The following CSMD1 variants were observed in gnomAD, a reference collection of about 807,000 sequenced individuals.
CSMD1 encodes CUB and sushi domain-containing protein 1.
A neutral mutation model predicts 417.5 loss-of-function variants in CSMD1; 213 were observed. The ratio of observed to expected loss-of-function variants is 0.51; its 90% CI spans 0.46 to 0.57. The LOEUF is 0.57. CSMD1 is among the 20% of genes least tolerant of loss of function. The pLI, the probability that CSMD1 is intolerant of heterozygous loss-of-function variation, is 0.00. For missense variants in CSMD1, 6,923 were observed against 4,529.7 expected, an observed-to-expected ratio of 1.53 and a Z score of -15.17; for synonymous variants, 2,862 against 1,736.8, an observed-to-expected ratio of 1.65 and a Z score of -16.11.
At chr8:4,262,352 T>A (rs1323554384) in intron 3 of CSMD1, among the ~76,000 whole-genome samples, 1 of 152,136 alleles carries the variant, frequency 6.6e-6, no homozygotes, top group Non-Finnish European at 1.5e-5. Context: ...CAATCTGGGA[T>A]TCCCAGGACA....
intron 43 of CSMD1, among the ~76,000 whole-genome samples, chr8:3,109,563 T>C (rs1358755706): frequency 6.6e-6 from 1 of 152,178 alleles, no homozygotes; most frequent in Non-Finnish European, 1.5e-5. Context: ...CCCGTCATTC[T>C]GCAGCCCATA....
chr8:4,324,362 A>C (rs1040954320), intron 3 of CSMD1, among the ~76,000 whole-genome samples: 1 of 152,214 alleles, frequency 6.6e-6, no homozygotes, highest in Non-Finnish European at 1.5e-5. Flanking sequence ...CAGCCATTCC[A>C]TGGATGGGAC....
intron 1 of CSMD1, among the ~76,000 whole-genome samples, chr8:4,770,290 G>T (rs772007745): frequency 1.4e-5 from 2 of 146,786 alleles, no homozygotes; most frequent in South Asian, 2.1e-4. Flanking sequence ...ATGTGTATGG[G>T]AATATATATT....
chr8:3,859,317 C>A (rs369711658), intron 5 of CSMD1, among the ~76,000 whole-genome samples: 13 of 152,184 alleles, frequency 8.5e-5, no homozygotes, highest in Admixed American at 7.2e-4. Context: ...TACATTCGCT[C>A]GGCCTATTTT....
chr8:3,698,958 C>A (rs1476735354), intron 7 of CSMD1, among the ~76,000 whole-genome samples: 1 of 152,184 alleles, frequency 6.6e-6, no homozygotes, highest in East Asian at 1.9e-4. Flanking sequence ...GTCAGGCATC[C>A]AGGCTGATGA....
chr8:4,426,949 C>T (rs951080329), intron 2 of CSMD1, among the ~76,000 whole-genome samples: 2 of 151,780 alleles, frequency 1.3e-5, no homozygotes, highest in East Asian at 1.9e-4. Flanking sequence ...TAGAAGTATT[C>T]GGTCACTGGA....
intron 2 of CSMD1, among the ~76,000 whole-genome samples, chr8:4,506,676 G>C (rs916755043): frequency 4.6e-5 from 7 of 152,152 alleles, no homozygotes; most frequent in African/African-American, 1.7e-4. Context: ...GTTTTTCACA[G>C]AGCTTAACCT....
intron 3 of CSMD1, among the ~76,000 whole-genome samples, chr8:4,326,841 G>C (rs563273048): frequency 6.7e-6 from 1 of 150,214 alleles, no homozygotes; most frequent in Non-Finnish European, 1.5e-5. Flanking sequence ...GAAAAAAAAA[G>C]GTCACAGGTG....
intron 1 of CSMD1, among the ~76,000 whole-genome samples, chr8:4,827,325 T>C (rs928828785): frequency 6.6e-6 from 1 of 152,112 alleles, no homozygotes; most frequent in African/African-American, 2.4e-5. Flanking sequence ...CATTTTATCT[T>C]AACCCTAAGG....
intron 2 of CSMD1, among the ~76,000 whole-genome samples, chr8:4,478,974 C>T (rs2130112675): frequency 6.6e-6 from 1 of 152,158 alleles, no homozygotes; most frequent in East Asian, 1.9e-4. Flanking sequence ...TTATTAATTC[C>T]CCCAAAAGGA....
At chr8:3,188,304 C>CT (rs33913660) in intron 35 of CSMD1, among the ~76,000 whole-genome samples, 46,677 of 87,366 alleles carry the variant, frequency 0.53, 17,085 homozygotes, top group South Asian at 0.62. Flanking sequence ...CTTTTCCTTT[C>CT]TTTTTTTTTT....
intron 2 of CSMD1, among the ~76,000 whole-genome samples, chr8:4,579,793 T>A (rs2130691978): frequency 6.6e-6 from 1 of 152,344 alleles, no homozygotes; most frequent in African/African-American, 2.4e-5. Flanking sequence ...TTTCCATTAT[T>A]GGCTTACTTG....
In CSMD1 at chr8:4,795,656, G is replaced by A. The variant is rs146032638; in HGVS notation, c.86-158098C>T. Among the ~76,000 whole-genome samples the A allele has an allele frequency of 5.2e-3, 790 of 152,140 alleles. 2 individuals carry two copies. Among genetic ancestry groups the A allele is most frequent in the African/African-American group, 0.018 (757 of 41,488 alleles). The stretch of plus-strand genomic sequence containing the variant: ...TCAGAAAGGAATTTCTAGGATAAAT[G>A]AGTACAATATGGAAAATAATTATCT... On this transcript the variant is annotated intron_variant, in intron 1 of 69. Transcript: ENST00000635120.
At chr8:3,150,819 G>A (rs189845583) in intron 40 of CSMD1, among the ~76,000 whole-genome samples, 2 of 152,028 alleles carry the variant, frequency 1.3e-5, no homozygotes, top group South Asian at 4.2e-4. Context: ...TTTCTGAAGA[G>A]AGGCCAGAAA....
intron 5 of CSMD1, among the ~76,000 whole-genome samples, chr8:3,927,442 G>C (rs796203550): frequency 6.6e-6 from 1 of 151,900 alleles, no homozygotes; most frequent in Non-Finnish European, 1.5e-5. Flanking sequence ...CGAGGCAGGT[G>C]GATCACAAGG....
At chr8:3,074,084 A>C (rs1294947164) in intron 49 of CSMD1, among the ~76,000 whole-genome samples, 3 of 152,242 alleles carry the variant, frequency 2.0e-5, no homozygotes, top group Non-Finnish European at 4.4e-5. Context: ...CACTTGGAAG[A>C]TCACTCAAGT....
chr8:3,256,221 G>T (rs2117060737), intron 26 of CSMD1, among the ~76,000 whole-genome samples: 1 of 151,978 alleles, frequency 6.6e-6, no homozygotes, highest in Non-Finnish European at 1.5e-5. Flanking sequence ...CAACTACTCA[G>T]GGGGCTGAGG....
At chr8:4,855,380 G>C (rs985299917) in intron 1 of CSMD1, among the ~76,000 whole-genome samples, 1 of 152,162 alleles carries the variant, frequency 6.6e-6, no homozygotes, top group Non-Finnish European at 1.5e-5. Context: ...AAGGAACGCA[G>C]TTCCTCACCA....
intron 3 of CSMD1, among the ~76,000 whole-genome samples, chr8:4,378,376 G>A (rs1269116937): frequency 6.6e-6 from 1 of 152,164 alleles, no homozygotes; most frequent in Non-Finnish European, 1.5e-5. Flanking sequence ...TGAGAAATTA[G>A]CTCACTCGTT....
Sources: gnomAD v4.1 joint callset for allele counts (sites outside exome capture counted in the v4.1 genomes callset) on GRCh38, gnomAD v4.1.1 for gene constraint, MANE v1.5 for transcripts, NCBI Gene and HGNC (gene_info 2026-07-23, HGNC 2026-07-21) for gene names.